ABTB2: variants seen among roughly 807,000 people sequenced by gnomAD.
The protein encoded by ABTB2 is ankyrin repeat and BTB domain containing 2.
A neutral mutation model predicts 104.1 loss-of-function variants in ABTB2; 56 were observed. The ratio of observed to expected loss-of-function variants is 0.54; its 90% CI spans 0.43 to 0.67. The LOEUF (loss-of-function observed/expected upper bound fraction) is 0.67, where lower values mean the gene tolerates loss of function less well. Among genes scored for constraint, ABTB2 ranks in the 30% least tolerant of loss-of-function variants. ABTB2 has a pLI of 0.00. For missense variants in ABTB2, 1,279 were observed against 1,407.7 expected (o/e 0.91, Z 1.46); for synonymous variants, 606 against 608.2 (o/e 1.00, Z 0.05).
At chr11:34,211,838 G>A (rs1853483802) in intron 1 of ABTB2, among the ~76,000 whole-genome samples, 1 of 147,252 alleles carries the variant, frequency 6.8e-6, no homozygotes, top group Non-Finnish European at 1.5e-5. Context: ...GCAGTGAGCC[G>A]AGATTGCACC....
At chr11:34,318,171 A>G (rs1267470) in intron 1 of ABTB2, among the ~76,000 whole-genome samples, 120,967 of 152,042 alleles carry the variant, frequency 0.8, 48,476 homozygotes, top group East Asian at 0.9. Flanking sequence ...CTTTCGCCAC[A>G]TTGGCCAGGC....
intron 1 of ABTB2, among the ~76,000 whole-genome samples, chr11:34,330,490 G>T (rs1467457869): frequency 6.6e-6 from 1 of 152,236 alleles, no homozygotes; most frequent in Admixed American, 6.5e-5. Context: ...AGCTATAATA[G>T]CTGTGAGATC....
chr11:34,154,402 T>C lies in ABTB2; in HGVS notation c.2767-24A>G. On this transcript the variant is annotated intron_variant, in intron 15 of 16. Transcript: ENST00000435224. The surrounding 1 kb of genome is among the most constrained non-coding windows in gnomAD (Gnocchi z 4.9). ...AGCTGGTAGGGAGGCAGAGCAGGTCTTGGGGACCCATGGCCAGACCAGTGG... is the reference window on the plus strand; with the variant it reads ...AGCTGGTAGGGAGGCAGAGCAGGTCCTGGGGACCCATGGCCAGACCAGTGG... 1 of 1,568,006 alleles carries C rather than the reference T, an allele frequency of 6.4e-7. No individual in the cohort carries two copies. Among genetic ancestry groups the C allele is most frequent in the Non-Finnish European group, 8.7e-7 (1 of 1,144,318 alleles).
chr11:34,197,759 T>C (rs1265827284), intron 2 of ABTB2, among the ~76,000 whole-genome samples: 1 of 152,222 alleles, frequency 6.6e-6, no homozygotes, highest in Non-Finnish European at 1.5e-5. Context: ...CTGAATTAAA[T>C]ACTTGGCAGG....
chr11:34,298,072 G>T (rs1854646301), intron 1 of ABTB2, among the ~76,000 whole-genome samples: 1 of 150,144 alleles, frequency 6.7e-6, no homozygotes, highest in Non-Finnish European at 1.5e-5. Flanking sequence ...TGAAATGTGA[G>T]AAATAAATGT....
intron 12 of ABTB2, 109 bp downstream of exon 12, chr11:34,160,138 TG>T: frequency 1.6e-6 from 2 of 1,273,890 alleles, no homozygotes; most frequent in Non-Finnish European, 2.2e-6. Context: ...AAACTGAGGC[TG>T]GGGCCTTGGC....
Position 34,324,266 on chromosome 11 carries a change from T to C in ABTB2, c.883+32435A>G, listed in dbSNP as rs182013897. Among the ~76,000 whole-genome samples the C allele has an allele frequency of 1.8e-3, 270 of 152,326 alleles. 3 individuals are homozygous for C. Among genetic ancestry groups the C allele is most frequent in the African/African-American group, 5.9e-3 (246 of 41,562 alleles). Reference sequence around the variant, plus strand: ...AACAGTCCTATGAGGACAGATATTATTGTGCTATAATTAAAATCCCAGGCT... The same window carrying C: ...AACAGTCCTATGAGGACAGATATTACTGTGCTATAATTAAAATCCCAGGCT... On this transcript the variant is annotated intron_variant, in intron 1 of 16. Coordinates refer to ENST00000435224, the MANE Select transcript of ABTB2 (RefSeq NM_145804.3).
chr11:34,197,669 C>A, intron 2 of ABTB2, 131 bp from the exon 3 acceptor site: 1 of 666,912 alleles, frequency 1.5e-6, no homozygotes, highest in Non-Finnish European at 2.5e-6. Flanking sequence ...TTACTGTTTG[C>A]CCTGCAGCCA....
intron 9 of ABTB2, among the ~76,000 whole-genome samples, chr11:34,164,164 C>T (rs562886496): frequency 6.6e-6 from 1 of 152,272 alleles, no homozygotes; most frequent in East Asian, 1.9e-4. Context: ...TGTCTGGTCT[C>T]CCTTTGCCCC....
chr11:34,308,953 G>T (rs12800573), intron 1 of ABTB2, among the ~76,000 whole-genome samples: 20,478 of 151,522 alleles, frequency 0.14, 1,785 homozygotes, highest in Admixed American at 0.24. Flanking sequence ...AAATGCTTTG[G>T]TCTCGAAGAA....
In ABTB2 at chr11:34,232,458, A is replaced by AAAAAAAAAC. The variant is rs1304823932; in HGVS notation, c.884-27769_884-27768insGTTTTTTTT. On this transcript the variant is annotated intron_variant, in intron 1 of 16. Coordinates refer to ENST00000435224, the MANE Select transcript of ABTB2 (RefSeq NM_145804.3). Reference sequence around the variant, plus strand: ...GAGGGAGACTCTGTCTCAAAAAAAAAAAAAAAAATTGTTCTTAAATGAGAC... The same window carrying AAAAAAAAAC: ...GAGGGAGACTCTGTCTCAAAAAAAAAAAAAAAAACAAAAAAAATTGTTCTTAAATGAGAC... Among the ~76,000 whole-genome samples, 2 of 151,342 alleles carry AAAAAAAAAC rather than the reference A, an allele frequency of 1.3e-5. 1 individual carries two copies. The highest frequency in any genetic ancestry group is 3.0e-5 in the Non-Finnish European group (2 of 67,740).
chr11:34,194,173 T>G (rs1349566942), intron 3 of ABTB2, among the ~76,000 whole-genome samples: 1 of 152,218 alleles, frequency 6.6e-6, no homozygotes, highest in Non-Finnish European at 1.5e-5. Context: ...CCATCAATGA[T>G]GTCATGCTGC....
At chr11:34,243,905 C>CT (rs1215708689) in intron 1 of ABTB2, among the ~76,000 whole-genome samples, 10 of 152,232 alleles carry the variant, frequency 6.6e-5, no homozygotes, top group Non-Finnish European at 1.5e-4. Context: ...AAAGCCCCAC[C>CT]TGACTGTGGC....
chr11:34,296,430 A>G (rs563597139), intron 1 of ABTB2, among the ~76,000 whole-genome samples: 2 of 152,310 alleles, frequency 1.3e-5, no homozygotes, highest in African/African-American at 4.8e-5. Flanking sequence ...GTCAGAGAAA[A>G]GGAAGTTTAA....
rs140044886 is a variant in ABTB2, at chr11:34,170,946, T to C, written c.1523A>G (p.Glu508Gly). The change falls in exon 5 of 17, where the codon GAG becomes GGG. Residue 508 changes from glutamate (E) to glycine (G), a missense_variant. By Grantham distance (98) the Glu-to-Gly change is moderately conservative (BLOSUM62 -2). Coordinates refer to ENST00000435224, the MANE Select transcript of ABTB2 (RefSeq NM_145804.3). ...GTTAACCCCATCCGGACCCAAGGCCTCGATGGCTTGGTTGATGAGGTCCGT... is the reference window on the plus strand; with the variant it reads ...GTTAACCCCATCCGGACCCAAGGCCCCGATGGCTTGGTTGATGAGGTCCGT... ...GRTDLINQAI[E>G]ALGPDGVNTM... The C allele has an allele frequency of 6.2e-7, 1 of 1,614,160 alleles. No homozygotes were observed. Among genetic ancestry groups the C allele is most frequent in the Admixed American group, 1.7e-5 (1 of 60,026 alleles).
chr11:34,334,431 G>A (rs1855168424), intron 1 of ABTB2, among the ~76,000 whole-genome samples: 1 of 152,164 alleles, frequency 6.6e-6, no homozygotes, highest in African/African-American at 2.4e-5. Context: ...GTGGCCTGTG[G>A]CATGGTTCAG....
Position 34,357,010 on chromosome 11 carries a change from C to A in ABTB2, c.574G>T (p.Gly192Trp), listed in dbSNP as rs746302788. 1 of 1,568,576 alleles carries A rather than the reference C, an allele frequency of 6.4e-7. No individual in the cohort carries two copies. ...CGCGCGGACTTGCCCCGGCGCAGCC[C>A]GTCGCCGGCGCTCATGCTGTACAGG... ...LSLYSMSAGD[G>W]LRRGKSARCG... is the part of the protein sequence containing the mutation. The change falls in exon 1 of 17, where the codon GGG becomes TGG. Residue 192 changes from glycine (G) to tryptophan (W), a missense_variant. Physicochemically the swap from Gly to Trp is radical, Grantham distance 184. Coordinates refer to ENST00000435224, the MANE Select transcript of ABTB2 (RefSeq NM_145804.3).
intron 1 of ABTB2, among the ~76,000 whole-genome samples, chr11:34,330,883 G>A (rs1855121375): frequency 6.6e-6 from 1 of 152,234 alleles, no homozygotes; most frequent in South Asian, 2.1e-4. Context: ...CTTTTCCAGA[G>A]CTACATCTGC....
At chr11:34,312,120 G>A (rs369454781) in intron 1 of ABTB2, among the ~76,000 whole-genome samples, 20 of 142,824 alleles carry the variant, frequency 1.4e-4, no homozygotes, top group Middle Eastern at 3.8e-3. Context: ...CAGCCTGGGC[G>A]ACAGAGCAAG....
Sources: allele counts gnomAD v4.1 joint callset (sites outside exome capture counted in the v4.1 genomes callset), GRCh38; gene constraint gnomAD v4.1.1; non-coding constraint Gnocchi (gnomAD v3.1); transcripts MANE v1.5; gene names NCBI Gene and HGNC (gene_info 2026-07-23, HGNC 2026-07-21).